Variants in C2orf76 observed in about 807,000 individuals in gnomAD.
C2orf76 encodes UPF0538 protein C2orf76.
C2orf76 carries 23 observed loss-of-function variants against 16.9 expected under a neutral mutation model. The ratio of observed to expected loss-of-function variants is 1.36; its 90% CI spans 0.98 to 1.93. The LOEUF (loss-of-function observed/expected upper bound fraction) is 1.93, where lower values mean the gene tolerates loss of function less well. C2orf76 is among the 30% of genes most tolerant of loss of function. The probability of loss-of-function intolerance (pLI) is 0.00; values close to 1 mark genes in which losing one functional copy is unlikely to be tolerated. For missense variants in C2orf76, 152 were observed against 152.6 expected, an observed-to-expected ratio of 1.00 and a Z score of 0.02; for synonymous variants, 48 against 52.3, an observed-to-expected ratio of 0.92 and a Z score of 0.35.
chr2:119,314,449 CTATT>C (rs1486206776), intron 4 of C2orf76, among the ~76,000 whole-genome samples: 2 of 152,096 alleles, frequency 1.3e-5, no homozygotes, highest in Admixed American at 1.3e-4. Context: ...TATTCAAATA[CTATT>C]TATTGAGTCC....
chr2:119,310,757 C>T (rs1285786733), intron 5 of C2orf76, among the ~76,000 whole-genome samples: 1 of 152,110 alleles, frequency 6.6e-6, no homozygotes, highest in Non-Finnish European at 1.5e-5. Flanking sequence ...ACCTGTGGTC[C>T]CACCTACTCA....
intron 2 of C2orf76, among the ~76,000 whole-genome samples, chr2:119,330,140 GA>G (rs1289792295): frequency 3.9e-5 from 6 of 152,132 alleles, no homozygotes; most frequent in African/African-American, 1.4e-4. Flanking sequence ...TTGGGAGGCT[GA>G]GGAGGGCAGA....
chr2:119,348,324 G>T (rs1680271309), intron 1 of C2orf76, among the ~76,000 whole-genome samples: 1 of 152,178 alleles, frequency 6.6e-6, no homozygotes. Context: ...ATACCCTGCA[G>T]CCATTAAAGG....
chr2:119,354,606 G>A (rs1300553993), intron 1 of C2orf76, among the ~76,000 whole-genome samples: 2 of 152,114 alleles, frequency 1.3e-5, no homozygotes, highest in East Asian at 3.9e-4. Flanking sequence ...AAACTTCTTG[G>A]CATTTTTTTG....
downstream of C2orf76, among the ~76,000 whole-genome samples, chr2:119,300,155 C>G (rs1196634881): frequency 6.6e-6 from 1 of 152,222 alleles, no homozygotes; most frequent in Non-Finnish European, 1.5e-5. Context: ...ATTTCTTCAT[C>G]TATAAATATA....
chr2:119,317,030 C>T (rs190740866), intron 4 of C2orf76, among the ~76,000 whole-genome samples: 1 of 152,274 alleles, frequency 6.6e-6, no homozygotes, highest in Admixed American at 6.5e-5. Context: ...CAGTTCTGTG[C>T]CTTCTCTTAT....
At chr2:119,354,141 A>G (rs1021621671) in intron 1 of C2orf76, among the ~76,000 whole-genome samples, 2 of 152,252 alleles carry the variant, frequency 1.3e-5, no homozygotes, top group African/African-American at 4.8e-5. Flanking sequence ...ATGTACAATT[A>G]CGTGTCAATT....
chr2:119,363,735 T>G (rs1282131101), intron 1 of C2orf76, among the ~76,000 whole-genome samples: 1 of 152,172 alleles, frequency 6.6e-6, no homozygotes, highest in Non-Finnish European at 1.5e-5. Flanking sequence ...TATTAATATA[T>G]CTTGCCAGGG....
At chr2:119,288,501 T>C in the C2orf76 span, among the ~76,000 whole-genome samples, 3 of 151,984 alleles carry the variant, frequency 2.0e-5, no homozygotes, top group African/African-American at 7.2e-5. Flanking sequence ...TGATTATTCA[T>C]TTACATCATC....
chr2:119,331,488 A>C (rs1679676026), intron 2 of C2orf76, among the ~76,000 whole-genome samples: 1 of 151,982 alleles, frequency 6.6e-6, no homozygotes, highest in Non-Finnish European at 1.5e-5. Flanking sequence ...GAAGACTCAC[A>C]CTCTGCATAT....
chr2:119,360,797 G>T (rs539674744), intron 1 of C2orf76, among the ~76,000 whole-genome samples: 4 of 151,932 alleles, frequency 2.6e-5, no homozygotes, highest in Non-Finnish European at 5.9e-5. Flanking sequence ...AGTACTCAGG[G>T]ATAAAAAAGA....
At chr2:119,328,570 T>G (rs920097661) in intron 2 of C2orf76, among the ~76,000 whole-genome samples, 1 of 152,200 alleles carries the variant, frequency 6.6e-6, no homozygotes, top group Non-Finnish European at 1.5e-5. Flanking sequence ...TTGACTGTTA[T>G]GGATTTTCTC....
the C2orf76 span, among the ~76,000 whole-genome samples, chr2:119,285,494 G>A: frequency 2.0e-5 from 3 of 152,174 alleles, no homozygotes; most frequent in Admixed American, 6.5e-5. Context: ...CTGTTCATGT[G>A]TTGCGTCCTC....
chr2:119,334,379 C>CAAAA (rs34753333), intron 2 of C2orf76, among the ~76,000 whole-genome samples: 63 of 71,616 alleles, frequency 8.8e-4, no homozygotes, highest in East Asian at 1.6e-3. Flanking sequence ...GTATGCAAAG[C>CAAAA]AAAAAAAAAA....
chr2:119,320,507 C>CA (rs1286031332), intron 3 of C2orf76, among the ~76,000 whole-genome samples: 1 of 152,128 alleles, frequency 6.6e-6, no homozygotes, highest in Non-Finnish European at 1.5e-5. Context: ...AAAATGCATA[C>CA]ACACGGCGAA....
At chr2:119,324,145 G>A (rs72829479) in intron 2 of C2orf76, among the ~76,000 whole-genome samples, 16,206 of 152,164 alleles carry the variant, frequency 0.11, 986 homozygotes, top group South Asian at 0.16. Context: ...GAAGAAAGCC[G>A]TGAGGTGAAG....
chr2:119,302,727 A>G (rs774756140), intron 5 of C2orf76, among the ~76,000 whole-genome samples, 179 bp from the exon 6 acceptor site: 8 of 152,220 alleles, frequency 5.3e-5, no homozygotes, highest in Non-Finnish European at 1.0e-4. Flanking sequence ...AAGAAGTTTC[A>G]GGTGAAGTTT....
At chr2:119,349,411 A>G (rs564892069) in intron 1 of C2orf76, among the ~76,000 whole-genome samples, 1 of 152,206 alleles carries the variant, frequency 6.6e-6, no homozygotes, top group Non-Finnish European at 1.5e-5. Flanking sequence ...TACTCCTGCT[A>G]TGTACCAAGG....
intron 4 of C2orf76, among the ~76,000 whole-genome samples, chr2:119,316,473 T>C (rs1378966893): frequency 1.3e-5 from 2 of 152,354 alleles, no homozygotes; most frequent in African/African-American, 4.8e-5. Flanking sequence ...ATGTGTGTTG[T>C]TTTAAGCCAC....
Sources: allele counts gnomAD v4.1 joint callset (sites outside exome capture counted in the v4.1 genomes callset), GRCh38; gene constraint gnomAD v4.1.1; transcripts MANE v1.5; gene names NCBI Gene and HGNC (gene_info 2026-07-23, HGNC 2026-07-21).